GNG7: variants seen among roughly 807,000 people sequenced by gnomAD.
The protein encoded by GNG7 is guanine nucleotide-binding protein G(I)/G(S)/G(O) subunit gamma-7.
In GNG7, 1 loss-of-function variant was observed where a neutral mutation model predicts 4.0. The ratio of observed to expected loss-of-function variants is 0.25; its 90% CI spans 0.09 to 1.18. GNG7 has a LOEUF of 1.18. Among genes scored for constraint, GNG7 ranks in the 50% most tolerant of loss-of-function variants. The probability of loss-of-function intolerance (pLI) is 0.50; values close to 1 mark genes in which losing one functional copy is unlikely to be tolerated. For missense variants in GNG7, 86 were observed against 91.9 expected (o/e 0.94, Z 0.26); for synonymous variants, 34 against 36.9 (o/e 0.92, Z 0.29).
intron 1 of GNG7, among the ~76,000 whole-genome samples, chr19:2,686,197 G>A (rs372835633): frequency 3.6e-4 from 54 of 149,734 alleles, no homozygotes; most frequent in African/African-American, 1.2e-3. Flanking sequence ...TCACGCTGTC[G>A]CCCAGGCTGG....
intron 1 of GNG7, among the ~76,000 whole-genome samples, chr19:2,672,989 G>C (rs534030911): frequency 6.6e-6 from 1 of 151,756 alleles, no homozygotes; most frequent in Admixed American, 6.6e-5. Context: ...GGGTGCGGTG[G>C]TTCATGCCTG....
At chr19:2,658,691 G>T (rs567474835) in intron 1 of GNG7, among the ~76,000 whole-genome samples, 1 of 152,226 alleles carries the variant, frequency 6.6e-6, no homozygotes, top group Non-Finnish European at 1.5e-5. Context: ...GTAACTCCAC[G>T]CTTAGGAGGT....
intron 2 of GNG7, among the ~76,000 whole-genome samples, chr19:2,625,644 C>A (rs1321761788): frequency 1.3e-5 from 2 of 152,078 alleles, no homozygotes; most frequent in Non-Finnish European, 2.9e-5. Context: ...CCAGGGAAGC[C>A]AGTGAAGGGC....
intron 2 of GNG7, among the ~76,000 whole-genome samples, chr19:2,559,836 T>A (rs1168348158): frequency 1.6e-5 from 2 of 125,288 alleles, no homozygotes; most frequent in Non-Finnish European, 3.4e-5. Context: ...TGAATGCCTA[T>A]CGATGATGTG....
Position 2,575,757 on chromosome 19 carries a change from A to G in GNG7, c.-77-20569T>C, listed in dbSNP as rs12972379. ...CACACGCACACGCAGGCACACGCAG[A>G]CACGCAGGCACACGCAGGCACATGC... On this transcript the variant is annotated intron_variant, in intron 2 of 4. Transcript: ENST00000382159. Among the ~76,000 whole-genome samples the G allele has an allele frequency of 1.8e-3, 166 of 93,028 alleles. 1 individual carries two copies. The highest frequency in any genetic ancestry group is 0.011 in the African/African-American group (147 of 13,842). 61.0% of individuals were successfully genotyped at this position (93,028 alleles called of 152,430 possible). A position where few individuals can be genotyped will look rare whatever the true frequency, so the allele number is the denominator to read the frequency against.
chr19:2,558,794 T>TTTTA (rs1007214698), intron 2 of GNG7, among the ~76,000 whole-genome samples: 1 of 151,810 alleles, frequency 6.6e-6, no homozygotes, highest in African/African-American at 2.4e-5. Flanking sequence ...TCTCTTTCCT[T>TTTTA]TTTATTTATT....
intron 1 of GNG7, among the ~76,000 whole-genome samples, chr19:2,685,008 C>T (rs1055465445): frequency 1.3e-5 from 2 of 152,116 alleles, no homozygotes; most frequent in African/African-American, 2.4e-5. Flanking sequence ...CCTGTAATCC[C>T]AGCTACTCAG....
At chr19:2,531,088 C>G (rs1251880777) in intron 3 of GNG7, among the ~76,000 whole-genome samples, 2 of 151,850 alleles carry the variant, frequency 1.3e-5, no homozygotes, top group African/African-American at 4.8e-5. Context: ...GGTGGATGAC[C>G]TGAGGTCGGG....
At chr19:2,692,496 G>A (rs1414170301) in intron 1 of GNG7, among the ~76,000 whole-genome samples, 2 of 152,020 alleles carry the variant, frequency 1.3e-5, no homozygotes, top group East Asian at 1.9e-4. Flanking sequence ...TCAGCCGGGT[G>A]TGGTGGCGGG....
At chr19:2,552,756 T>A (rs1979370814) in intron 3 of GNG7, among the ~76,000 whole-genome samples, 2 of 151,528 alleles carry the variant, frequency 1.3e-5, no homozygotes, top group African/African-American at 4.8e-5. Flanking sequence ...GTTGTGGAAT[T>A]ATTTTATTAT....
intron 1 of GNG7, among the ~76,000 whole-genome samples, chr19:2,700,298 T>C (rs954475930): frequency 6.6e-6 from 1 of 152,090 alleles, no homozygotes; most frequent in Non-Finnish European, 1.5e-5. Context: ...AACGCCACTA[T>C]GCCCAGCTAA....
chr19:2,530,511 G>A (rs4075812), intron 3 of GNG7, among the ~76,000 whole-genome samples: 52,256 of 150,970 alleles, frequency 0.35, 9,229 homozygotes, highest in East Asian at 0.5. Context: ...ACTTGAAGTC[G>A]GGAGTTTGAG....
intron 1 of GNG7, among the ~76,000 whole-genome samples, chr19:2,661,608 G>C (rs139758371): frequency 2.7e-3 from 400 of 150,798 alleles, no homozygotes; most frequent in African/African-American, 8.7e-3. Flanking sequence ...AAGAGGCAGA[G>C]GTTGCAGTGA....
At chr19:2,538,429 C>T (rs1978821596) in intron 3 of GNG7, 2 of 364,726 alleles carry the variant, frequency 5.5e-6, no homozygotes, top group Non-Finnish European at 1.1e-5. Flanking sequence ...TTGAGACCAG[C>T]CTGGGCAACA....
At position 2,614,285 on chromosome 19, in the gene GNG7, C is replaced by T. The variant is rs1981659518; in HGVS notation, c.-78+31939G>A. 6.6e-6 allele frequency among the ~76,000 whole-genome samples: 1 copy of T among 152,220 alleles called. No individual in the cohort carries two copies. The highest frequency in any genetic ancestry group is 1.5e-5 in the Non-Finnish European group (1 of 68,034). ...TGCCCTCTGTGTACCCGCAGGGGGG[C>T]CCTGCACGTCGGGTCTCAGGCACAT... On this transcript the variant is annotated intron_variant, in intron 2 of 4. Coordinates refer to ENST00000382159, the MANE Select transcript of GNG7 (RefSeq NM_052847.3). The surrounding 1 kb of genome is among the most constrained non-coding windows in gnomAD (Gnocchi z 6.0).
chr19:2,552,393 G>C (rs1979359125), intron 3 of GNG7, among the ~76,000 whole-genome samples: 1 of 150,678 alleles, frequency 6.6e-6, no homozygotes, highest in African/African-American at 2.4e-5. Context: ...TTATTTGTTT[G>C]TTTGTTATTG....
At chr19:2,668,263 A>G (rs777388330) in intron 1 of GNG7, among the ~76,000 whole-genome samples, 8 of 152,206 alleles carry the variant, frequency 5.3e-5, no homozygotes, top group African/African-American at 7.2e-5. Context: ...ACGACAGGCA[A>G]TTAGCTACTT....
intron 2 of GNG7, among the ~76,000 whole-genome samples, chr19:2,604,873 A>C (rs934071991): frequency 5.9e-5 from 9 of 152,176 alleles, no homozygotes; most frequent in Non-Finnish European, 4.4e-5. Context: ...AGGCCCAAGA[A>C]ACCACCTGAA....
At chr19:2,531,114 T>C (rs1978567762) in intron 3 of GNG7, among the ~76,000 whole-genome samples, 1 of 152,006 alleles carries the variant, frequency 6.6e-6, no homozygotes, top group Non-Finnish European at 1.5e-5. Flanking sequence ...AAGACTAGCC[T>C]GGTCAACATG....
Sources: allele counts gnomAD v4.1 joint callset (sites outside exome capture counted in the v4.1 genomes callset), GRCh38; gene constraint gnomAD v4.1.1; non-coding constraint Gnocchi (gnomAD v3.1); transcripts MANE v1.5; gene names NCBI Gene and HGNC (gene_info 2026-07-23, HGNC 2026-07-21).